SENP5: variants seen among roughly 807,000 people sequenced by gnomAD.
SENP5 encodes the protein SUMO specific peptidase 5.
SENP5 carries 21 observed loss-of-function variants against 74.2 expected under a neutral mutation model. The observed-to-expected ratio is 0.28, with a 90% CI of 0.20 to 0.41. The LOEUF is 0.41. Among genes scored for constraint, SENP5 ranks in the 10% least tolerant of loss-of-function variants. The pLI, the probability that SENP5 is intolerant of heterozygous loss-of-function variation, is 1.00. For missense variants in SENP5, 717 were observed against 889.1 expected (o/e 0.81, Z 2.46); for synonymous variants, 311 against 312.7 (o/e 0.99, Z 0.06).
chr3:196,894,563 G>A (rs1714362216), intron 2 of SENP5, among the ~76,000 whole-genome samples: 1 of 150,840 alleles, frequency 6.6e-6, no homozygotes, highest in South Asian at 2.1e-4. Context: ...TATTCCCATG[G>A]GTCTGGGAAC....
At chr3:196,921,230 T>C (rs1011384035) in intron 6 of SENP5, among the ~76,000 whole-genome samples, 2 of 152,188 alleles carry the variant, frequency 1.3e-5, no homozygotes, top group African/African-American at 4.8e-5. Context: ...TAAAGGTAAT[T>C]TACAATATTC....
chr3:196,923,392 T>C lies in SENP5; in HGVS notation c.1885-22T>C. The stretch of plus-strand genomic sequence containing the variant: ...GGATAGCCTGTGGTGATGGCTGCAT[T>C]TCTTTCTCTTTTCTTGATCAGGTGG... On this transcript the variant is annotated intron_variant, in intron 6 of 9. Transcript: ENST00000323460. 3 of 1,590,796 alleles carry C rather than the reference T, an allele frequency of 1.9e-6. No homozygotes were observed. In the South Asian group the frequency reaches 3.5e-5, roughly 18 times the overall value.
chr3:196,927,558 C>T (rs2054199), intron 7 of SENP5, among the ~76,000 whole-genome samples: 35,355 of 151,540 alleles, frequency 0.23, 4,374 homozygotes, highest in African/African-American at 0.33. Context: ...ATCTCTGAAG[C>T]CTAGGAGTTC....
Position 196,930,928 on chromosome 3 carries a change from C to G in SENP5, c.*5C>G. 1 of 1,589,784 alleles carries G rather than the reference C, an allele frequency of 6.3e-7. No homozygotes were observed. The highest frequency in any genetic ancestry group is 8.6e-7 in the Non-Finnish European group (1 of 1,157,836). On this transcript the variant is annotated 3_prime_UTR_variant, in exon 10 of 10. Coordinates refer to ENST00000323460, the MANE Select transcript of SENP5 (RefSeq NM_152699.5). ...GAGTGCCGGCTCATGGACTGAAACT[C>G]AGCAGGGACTCTGGGAAGTCTGACC... is the stretch of plus-strand genomic sequence containing the variant.
At chr3:196,918,508 A>T (rs543108007) in intron 6 of SENP5, among the ~76,000 whole-genome samples, 2 of 151,868 alleles carry the variant, frequency 1.3e-5, no homozygotes, top group Non-Finnish European at 2.9e-5. Context: ...TCAAAACAAA[A>T]AATCTACAAC....
intron 6 of SENP5, among the ~76,000 whole-genome samples, chr3:196,905,830 G>A (rs1386527232): frequency 1.3e-5 from 2 of 152,096 alleles, no homozygotes; most frequent in Non-Finnish European, 2.9e-5. Context: ...TGGTTGGGGG[G>A]TTGGGTGGGG....
Position 196,890,094 on chromosome 3 carries a change from T to C in SENP5, c.1513+3400T>C, listed in dbSNP as rs77263723. 5.2e-3 allele frequency among the ~76,000 whole-genome samples: 790 copies of C among 152,280 alleles called. 4 individuals carry two copies. Among genetic ancestry groups the C allele is most frequent in the East Asian group, 0.016 (83 of 5,190 alleles). On this transcript the variant is annotated intron_variant, in intron 2 of 9. Coordinates refer to ENST00000323460, the MANE Select transcript of SENP5 (RefSeq NM_152699.5). ...TTAGTGTCCTTATTCCCACTGAAAA[T>C]AGTTCAAGGCAGAGCAGCAGCTACT...
intron 1 of SENP5, among the ~76,000 whole-genome samples, chr3:196,884,674 G>GTTT (rs529240359): frequency 2.9e-5 from 4 of 138,622 alleles, no homozygotes; most frequent in African/African-American, 1.1e-4. Flanking sequence ...GTTTTTTTTT[G>GTTT]TTTTTTTTTT....
intron 1 of SENP5, among the ~76,000 whole-genome samples, chr3:196,880,073 G>A (rs189511646): frequency 1.4e-4 from 21 of 152,138 alleles, no homozygotes; most frequent in Admixed American, 2.6e-4. Flanking sequence ...AGCCTCCCGA[G>A]TAGCTGGGAT....
chr3:196,898,182 A>AAAAAAAG (rs1267677377), intron 2 of SENP5, among the ~76,000 whole-genome samples: 2 of 151,236 alleles, frequency 1.3e-5, no homozygotes, highest in African/African-American at 2.4e-5. Context: ...TTGTCTTAAA[A>AAAAAAAG]AAAAAGAAAA....
rs756250859 is a variant in SENP5, at chr3:196,903,526, G to C, written c.1807-7G>C. On this transcript the variant is annotated splice_polypyrimidine_tract_variant and splice_region_variant and intron_variant, in intron 5 of 9. Transcript: ENST00000323460. ...ATCTGGTTGCTTGTGTTTGTTGTCT[G>C]TTCTAGGTTCACTTCTTCAACAGCT... The C allele has an allele frequency of 3.1e-6, 5 of 1,600,426 alleles. No individual in the cohort carries two copies. Among genetic ancestry groups the C allele is most frequent in the East Asian group, 4.5e-5 (2 of 44,710 alleles).
chr3:196,932,727 G>GTT lies in SENP5; in HGVS notation c.*1804_*1805insTT, dbSNP rs1716079081. ...CAAAACATGCCAGAAATTTGCCTCTGATTTTTTTTTTTTTTTTTTTTTTTT... is the reference window on the plus strand; with the variant it reads ...CAAAACATGCCAGAAATTTGCCTCTGTTATTTTTTTTTTTTTTTTTTTTTTTT... On this transcript the variant is annotated 3_prime_UTR_variant, in exon 10 of 10. Coordinates refer to ENST00000323460, the MANE Select transcript of SENP5 (RefSeq NM_152699.5). The GTT allele has an allele frequency of 2.9e-5, 3 of 104,192 alleles. No individual in the cohort carries two copies. Among genetic ancestry groups the GTT allele is most frequent in the Admixed American group, 1.1e-4 (1 of 9,120 alleles). The allele number at this position is 104,192 out of a possible 1,614,324, so 6.5% of individuals were successfully genotyped here.
Position 196,933,013 on chromosome 3 carries a change from G to GTTTGTTTTT in SENP5, c.*2093_*2094insGTTTTTTTT, listed in dbSNP as rs1716096107. 8.9e-6 allele frequency: 1 copy of GTTTGTTTTT among 112,182 alleles called. No homozygotes were observed. The highest frequency in any genetic ancestry group is 3.6e-5 in the African/African-American group (1 of 28,138). 6.9% of individuals were successfully genotyped at this position (112,182 alleles called of 1,614,324 possible). On this transcript the variant is annotated 3_prime_UTR_variant, in exon 10 of 10. Coordinates refer to ENST00000323460, the MANE Select transcript of SENP5 (RefSeq NM_152699.5). ...GGCTTAGACTAAATGTTGAGTTTGG[G>GTTTGTTTTT]TTTTTTGTTTTTTTTTTTTTTTGAG...
rs1382049031 is a variant in SENP5, at chr3:196,932,033, G to C, written c.*1110G>C. 2.7e-6 allele frequency: 1 copy of C among 369,178 alleles called. No individual in the cohort carries two copies. Among genetic ancestry groups the C allele is most frequent in the African/African-American group, 2.2e-5 (1 of 46,066 alleles). 22.9% of individuals were successfully genotyped at this position (369,178 alleles called of 1,614,324 possible). ...CTCAGTAACATGCAGGGTACGTCTGGCTTCTGCATGGCCAGTGCTGACACT... is the reference window on the plus strand; with the variant it reads ...CTCAGTAACATGCAGGGTACGTCTGCCTTCTGCATGGCCAGTGCTGACACT... On this transcript the variant is annotated 3_prime_UTR_variant, in exon 10 of 10. Transcript: ENST00000323460.
Position 196,929,551 on chromosome 3 carries a change from G to A in SENP5, c.2107-82G>A, listed in dbSNP as rs58328797. 600 of 829,652 alleles carry A rather than the reference G, an allele frequency of 7.2e-4. 2 individuals are homozygous for A. In the African/African-American group the frequency reaches 9.5e-3, roughly 13 times the overall value. The allele number at this position is 829,652 out of a possible 1,614,324, so 51.4% of individuals were successfully genotyped here. On this transcript the variant is annotated intron_variant, in intron 8 of 9. Coordinates refer to ENST00000323460, the MANE Select transcript of SENP5 (RefSeq NM_152699.5). ...GAGAGAAAAGTTTCCTATCTTTTGC[G>A]CATTTTTCCATAAAGGAGTTTTTCT...
chr3:196,879,909 T>C (rs1343812008), intron 1 of SENP5, among the ~76,000 whole-genome samples: 1 of 152,194 alleles, frequency 6.6e-6, no homozygotes, highest in Non-Finnish European at 1.5e-5. Context: ...AGTTTTTCTA[T>C]ATGCTTCACC....
At chr3:196,890,278 T>C (rs1306466278) in intron 2 of SENP5, among the ~76,000 whole-genome samples, 1 of 152,164 alleles carries the variant, frequency 6.6e-6, no homozygotes, top group Non-Finnish European at 1.5e-5. Flanking sequence ...GGGCAATGAG[T>C]ACAATAGATA....
At chr3:196,924,625 G>A (rs1018541280) in intron 7 of SENP5, among the ~76,000 whole-genome samples, 5 of 151,966 alleles carry the variant, frequency 3.3e-5, no homozygotes, top group Admixed American at 1.3e-4. Flanking sequence ...TTTCTGGTTA[G>A]AGTGTATAAA....
At chr3:196,900,143 C>T (rs1252578465) in intron 4 of SENP5, 81 bp downstream of exon 4, 20 of 1,521,546 alleles carry the variant, frequency 1.3e-5, no homozygotes, top group Non-Finnish European at 1.5e-5. Context: ...TTTGGCTTCT[C>T]AGTTGTCTTT....
Sources: allele counts gnomAD v4.1 joint callset (sites outside exome capture counted in the v4.1 genomes callset), GRCh38; gene constraint gnomAD v4.1.1; transcripts MANE v1.5; gene names NCBI Gene and HGNC (gene_info 2026-07-23, HGNC 2026-07-21).